The following IVNS1ABP variants were observed in gnomAD, a reference collection of about 807,000 sequenced individuals.
The protein encoded by IVNS1ABP is influenza virus NS1A binding protein.
In IVNS1ABP, 25 loss-of-function variants were observed where a neutral mutation model predicts 78.9. The ratio of observed to expected loss-of-function variants is 0.32; its 90% CI spans 0.23 to 0.44. The LOEUF (loss-of-function observed/expected upper bound fraction) is 0.44, where lower values mean the gene tolerates loss of function less well. Among genes scored for constraint, IVNS1ABP ranks in the 20% least tolerant of loss-of-function variants. IVNS1ABP has a pLI of 1.00. For missense variants in IVNS1ABP, 494 were observed against 768.9 expected (o/e 0.64, Z 4.23); for synonymous variants, 241 against 259.7 (o/e 0.93, Z 0.69).
chr1:185,316,282 C>T (rs1046811988), intron 1 of IVNS1ABP, among the ~76,000 whole-genome samples: 26 of 152,164 alleles, frequency 1.7e-4, no homozygotes, highest in Non-Finnish European at 3.2e-4. Flanking sequence ...TTGGCCAGCC[C>T]CGCAGTCACT....
chr1:185,314,798 C>T (rs1481162576), intron 1 of IVNS1ABP, among the ~76,000 whole-genome samples: 1 of 152,064 alleles, frequency 6.6e-6, no homozygotes, highest in Admixed American at 6.5e-5. Context: ...ATGTGGCATC[C>T]TTATTAAAAT....
chr1:185,306,283 G>T (rs145178537), intron 7 of IVNS1ABP: 11 of 266,762 alleles, frequency 4.1e-5, no homozygotes, highest in Non-Finnish European at 5.7e-5. Flanking sequence ...AAGGAACTCC[G>T]AAAGGTTTAA....
At position 185,301,045 on chromosome 1, in the gene IVNS1ABP, C is replaced by T. The variant is rs749326467; in HGVS notation, c.1047G>A (p.Lys349=). 3 of 1,613,504 alleles carry T rather than the reference C, an allele frequency of 1.9e-6. No homozygotes were observed. Among genetic ancestry groups the T allele is most frequent in the South Asian group, 1.1e-5 (1 of 91,074 alleles). Residue 349 remains lysine, a synonymous_variant, in exon 10 of 15, where the codon AAG becomes AAA. Coordinates refer to ENST00000367498, the MANE Select transcript of IVNS1ABP (RefSeq NM_006469.5). ...GTGCGTACTGCATAGGAGACATGGG[C>T]TTTTCGATTAGCTCATCTTGTTGCA... ...FEMQQDELIE[K]PMSPMQYARS... is the part of the protein sequence containing the mutation.
intron 2 of IVNS1ABP, among the ~76,000 whole-genome samples, chr1:185,309,888 T>C (rs1050830736): frequency 3.9e-5 from 6 of 152,188 alleles, no homozygotes; most frequent in African/African-American, 1.4e-4. Context: ...CCAGTACATA[T>C]AGGTTTCCTT....
At chr1:185,303,030 A>G (rs1665641373) in intron 8 of IVNS1ABP, among the ~76,000 whole-genome samples, 1 of 152,102 alleles carries the variant, frequency 6.6e-6, no homozygotes, top group Non-Finnish European at 1.5e-5. Context: ...TTAAGAATAA[A>G]AAATAAGGTT....
At position 185,308,785 on chromosome 1, in the gene IVNS1ABP, C is replaced by T. The variant is rs1571747188; in HGVS notation, c.357+15G>A. 6.3e-7 allele frequency: 1 copy of T among 1,578,036 alleles called. No homozygotes were observed. The highest frequency in any genetic ancestry group is 8.6e-7 in the Non-Finnish European group (1 of 1,159,044). On this transcript the variant is annotated intron_variant, in intron 5 of 14. Transcript: ENST00000367498. ...AAGACTCCATAAATGATTTTATTTA[C>T]TTCTGATACTCTACCTGCTTTACTC... is the stretch of plus-strand genomic sequence containing the variant.
At position 185,306,595 on chromosome 1, in the gene IVNS1ABP, A is replaced by T. The variant is rs202139269; in HGVS notation, c.657+419T>A. The T allele has an allele frequency of 3.8e-5, 48 of 1,251,618 alleles. 1 individual carries two copies. Among genetic ancestry groups the T allele is most frequent in the Non-Finnish European group, 4.5e-5 (44 of 974,678 alleles). The allele number at this position is 1,251,618 out of a possible 1,614,324, so 77.5% of individuals were successfully genotyped here. ...ACTTGAGGTTTCTTCTTGTTTCTTC[A>T]GTCTTGGGTATCCTAGTTTTGTTAA... On this transcript the variant is annotated intron_variant, in intron 7 of 14. Transcript: ENST00000367498.
chr1:185,315,623 C>G (rs1355407797), intron 1 of IVNS1ABP, among the ~76,000 whole-genome samples: 1 of 152,218 alleles, frequency 6.6e-6, no homozygotes, highest in Non-Finnish European at 1.5e-5. Flanking sequence ...ATGTTTACCT[C>G]ACGTCCAGAC....
chr1:185,302,429 A>C lies in IVNS1ABP; in HGVS notation c.766-866T>G, dbSNP rs74132214. ...AAGACTACTCTGAGAGGAACTGCCA[A>C]ATGAACAGGTAGCAACTTCAGCACC... is the stretch of plus-strand genomic sequence containing the variant. On this transcript the variant is annotated intron_variant, in intron 8 of 14. Transcript: ENST00000367498. Among the ~76,000 whole-genome samples, 421 of 152,280 alleles carry C rather than the reference A, an allele frequency of 2.8e-3. 2 individuals carry two copies. Among genetic ancestry groups the C allele is most frequent in the African/African-American group, 9.6e-3 (401 of 41,562 alleles).
Position 185,298,485 on chromosome 1 carries a change from T to C in IVNS1ABP, c.1676-197A>G. 8.7e-6 allele frequency: 5 copies of C among 577,652 alleles called. No homozygotes were observed. Among genetic ancestry groups the C allele is most frequent in the Non-Finnish European group, 1.5e-5 (5 of 338,060 alleles). The allele number at this position is 577,652 out of a possible 1,614,324, so 35.8% of individuals were successfully genotyped here. ...GGGAATCAAATCAATAAAAAAACCA[T>C]TCCCACGTGGAACTTAGGCAACTTA... On this transcript the variant is annotated intron_variant, in intron 14 of 14. Transcript: ENST00000367498. This position sits in a 1 kb window ranked among gnomAD's most constrained non-coding sequence, Gnocchi z 4.1.
Position 185,297,875 on chromosome 1 carries a change from C to A in IVNS1ABP, c.*160G>T. Reference sequence around the variant, plus strand: ...CTTTGCATTCCTTTCCAAATAAACCCAAAAAGTATGTACAGCATGTTTAAT... The same window carrying A: ...CTTTGCATTCCTTTCCAAATAAACCAAAAAAGTATGTACAGCATGTTTAAT... On this transcript the variant is annotated 3_prime_UTR_variant, in exon 15 of 15. Transcript: ENST00000367498. The A allele has an allele frequency of 3.1e-6, 2 of 642,842 alleles. No homozygotes were observed. The highest frequency in any genetic ancestry group is 2.3e-5 in the South Asian group (1 of 44,236). The allele number at this position is 642,842 out of a possible 1,614,324, so 39.8% of individuals were successfully genotyped here.
In IVNS1ABP at chr1:185,298,300, A is replaced by G. The variant is rs912602948; in HGVS notation, c.1676-12T>C. On this transcript the variant is annotated splice_polypyrimidine_tract_variant and intron_variant, in intron 14 of 14. Coordinates refer to ENST00000367498, the MANE Select transcript of IVNS1ABP (RefSeq NM_006469.5). This position sits in a 1 kb window ranked among gnomAD's most constrained non-coding sequence, Gnocchi z 4.1. ...TACAAACAGTTTTCCTAAAAGAGAAATGAGATGGGGTAAATCCAGAGATTA... is the reference window on the plus strand; with the variant it reads ...TACAAACAGTTTTCCTAAAAGAGAAGTGAGATGGGGTAAATCCAGAGATTA... 6.2e-7 allele frequency: 1 copy of G among 1,611,040 alleles called. No homozygotes were observed. Among genetic ancestry groups the G allele is most frequent in the African/African-American group, 1.3e-5 (1 of 74,924 alleles).
rs548170340 is a variant in IVNS1ABP at position 185,313,067 on chromosome 1, C to A, written c.-246-1745G>T. On this transcript the variant is annotated intron_variant, in intron 1 of 14. Coordinates refer to ENST00000367498, the MANE Select transcript of IVNS1ABP (RefSeq NM_006469.5). ...CTCACTTTTTACTTGTAAACTTGATCTAACAAAAAATAAAAATGGTATCCA... is the reference window on the plus strand; with the variant it reads ...CTCACTTTTTACTTGTAAACTTGATATAACAAAAAATAAAAATGGTATCCA... Among the ~76,000 whole-genome samples, 258 of 152,098 alleles carry A rather than the reference C, an allele frequency of 1.7e-3. 1 individual carries two copies. Among genetic ancestry groups the A allele is most frequent in the Non-Finnish European group, 1.2e-3 (82 of 67,946 alleles).
intron 5 of IVNS1ABP, chr1:185,307,946 ACG>A (rs1665782791): frequency 6.5e-7 from 1 of 1,542,112 alleles, no homozygotes; most frequent in Admixed American, 2.1e-5. Context: ...GCTTCATGAA[ACG>A]CAGTATCTGA....
Position 185,299,593 on chromosome 1 carries a change from G to A in IVNS1ABP, c.1675+117C>T, listed in dbSNP as rs547268729. Reference sequence around the variant, plus strand: ...CCCTAATCTCCATTGCATCAAAAGAGATGACTGCTTCTGAATTCTTAACTG... The same window carrying A: ...CCCTAATCTCCATTGCATCAAAAGAAATGACTGCTTCTGAATTCTTAACTG... On this transcript the variant is annotated intron_variant, in intron 14 of 14. Coordinates refer to ENST00000367498, the MANE Select transcript of IVNS1ABP (RefSeq NM_006469.5). 1.7e-5 allele frequency: 16 copies of A among 929,118 alleles called. No individual in the cohort carries two copies. In the South Asian group the frequency reaches 2.0e-4, roughly 12 times the overall value. 57.6% of individuals were successfully genotyped at this position (929,118 alleles called of 1,614,324 possible).
Position 185,298,275 on chromosome 1 carries a change from T to C in IVNS1ABP, c.1689A>G (p.Val563=). Residue 563 remains valine, a synonymous_variant, in exon 15 of 15, where the codon GTA becomes GTG. Coordinates refer to ENST00000367498, the MANE Select transcript of IVNS1ABP (RefSeq NM_006469.5). The surrounding 1 kb of genome is among the most constrained non-coding windows in gnomAD (Gnocchi z 4.1). Reference sequence around the variant, plus strand: ...CATGAGAACCATCAAAGCCACCACATACAAACAGTTTTCCTAAAAGAGAAA... The same window carrying C: ...CATGAGAACCATCAAAGCCACCACACACAAACAGTTTTCCTAAAAGAGAAA... ...GVAVLNGKLF[V]CGGFDGSHAI... The C allele has an allele frequency of 2.5e-6, 4 of 1,613,072 alleles. No individual in the cohort carries two copies. Among genetic ancestry groups the C allele is most frequent in the Middle Eastern group, 3.3e-4 (2 of 6,048 alleles).
chr1:185,315,900 C>T (rs1666004753), intron 1 of IVNS1ABP, among the ~76,000 whole-genome samples: 1 of 151,286 alleles, frequency 6.6e-6, no homozygotes, highest in Non-Finnish European at 1.5e-5. Flanking sequence ...TGTTCTAACG[C>T]TCCATCACTG....
chr1:185,299,462 G>A (rs1665508620), intron 14 of IVNS1ABP: 2 of 507,346 alleles, frequency 3.9e-6, no homozygotes, highest in East Asian at 3.3e-5. Flanking sequence ...AGAAGAAAAT[G>A]ACTTGGAAAT....
intron 14 of IVNS1ABP, chr1:185,299,500 G>A: frequency 1.7e-6 from 1 of 575,694 alleles, no homozygotes; most frequent in South Asian, 2.2e-5. Flanking sequence ...CAAAAGACTG[G>A]TGAATTAAGT....
Sources: allele counts gnomAD v4.1 joint callset (sites outside exome capture counted in the v4.1 genomes callset), GRCh38; gene constraint gnomAD v4.1.1; non-coding constraint Gnocchi (gnomAD v3.1); transcripts MANE v1.5; gene names NCBI Gene and HGNC (gene_info 2026-07-23, HGNC 2026-07-21).